Variants in MCU observed in about 807,000 individuals in gnomAD.
The protein encoded by MCU is calcium uniporter protein, mitochondrial.
A neutral mutation model predicts 45.2 loss-of-function variants in MCU; 12 were observed. The observed-to-expected ratio is 0.27, with a 90% CI of 0.17 to 0.43. MCU has a LOEUF of 0.43. Ranked by LOEUF, MCU falls within the 20% of genes least tolerant of loss-of-function variation. MCU has a pLI of 1.00. For missense variants in MCU, 324 were observed against 436.7 expected (o/e 0.74, Z 2.30); for synonymous variants, 160 against 165.1 (o/e 0.97, Z 0.24).
At chr10:72,763,442 C>T (rs745583671) in intron 1 of MCU, among the ~76,000 whole-genome samples, 1 of 151,888 alleles carries the variant, frequency 6.6e-6, no homozygotes, top group Non-Finnish European at 1.5e-5. Flanking sequence ...GAGGGAAAGG[C>T]ATTTGAGCTA....
At chr10:72,711,048 G>C (rs1009854442) in intron 1 of MCU, among the ~76,000 whole-genome samples, 4 of 151,678 alleles carry the variant, frequency 2.6e-5, no homozygotes, top group African/African-American at 9.7e-5. Context: ...GCATGGTGGT[G>C]GGCGCCTGTA....
intron 1 of MCU, among the ~76,000 whole-genome samples, chr10:72,783,792 A>G (rs571588319): frequency 3.2e-4 from 49 of 152,312 alleles, no homozygotes; most frequent in Admixed American, 2.2e-3. Context: ...TCAAATGCCT[A>G]TAGGAAGGAT....
At position 72,831,395 on chromosome 10, in the gene MCU, C is replaced by A. The variant is rs545890390; in HGVS notation, c.151-2964C>A. Among the ~76,000 whole-genome samples the A allele has an allele frequency of 5.3e-5, 8 of 152,088 alleles. 1 individual carries two copies. In the South Asian group the frequency reaches 1.7e-3, roughly 32 times the overall value. On this transcript the variant is annotated intron_variant, in intron 1 of 7. Transcript: ENST00000373053. ...AGAGGGAAAGAAAAAAGAAACATAGCTGTATTAATCATTGCTGACGATAGA... is the reference window on the plus strand; with the variant it reads ...AGAGGGAAAGAAAAAAGAAACATAGATGTATTAATCATTGCTGACGATAGA...
At chr10:72,791,549 T>A (rs993925842) in intron 1 of MCU, among the ~76,000 whole-genome samples, 1 of 152,220 alleles carries the variant, frequency 6.6e-6, no homozygotes, top group African/African-American at 2.4e-5. Context: ...ATGCCTTTTC[T>A]TTCTCTTTCT....
At chr10:72,727,555 C>G (rs1362090309) in intron 1 of MCU, among the ~76,000 whole-genome samples, 1 of 152,174 alleles carries the variant, frequency 6.6e-6, no homozygotes, top group African/African-American at 2.4e-5. Flanking sequence ...CTTCATAAAG[C>G]CTCTTTGCTT....
Position 72,693,659 on chromosome 10 carries a change from GAGA to G in MCU, c.150+1362_150+1364del, listed in dbSNP as rs566644985. Reference sequence around the variant, plus strand: ...GTATGGACCCTATCCTCATTCTTGTGAGAAGATTGTACCTCTTTTTATTTGGCA... The same window carrying G: ...GTATGGACCCTATCCTCATTCTTGTGAGATTGTACCTCTTTTTATTTGGCA... On this transcript the variant is annotated intron_variant, in intron 1 of 7. Coordinates refer to ENST00000373053, the MANE Select transcript of MCU (RefSeq NM_138357.3). 3.3e-4 allele frequency among the ~76,000 whole-genome samples: 50 copies of G among 152,324 alleles called. No homozygotes were observed. In the South Asian group the frequency reaches 9.5e-3, roughly 29 times the overall value.
intron 4 of MCU, among the ~76,000 whole-genome samples, chr10:72,862,920 A>AC (rs1329372924): frequency 6.7e-6 from 1 of 149,864 alleles, no homozygotes; most frequent in African/African-American, 2.4e-5. Context: ...AAAAAAAAGA[A>AC]AAAAAAAAAA....
At chr10:72,713,586 A>G (rs570324129) in intron 1 of MCU, among the ~76,000 whole-genome samples, 74 of 152,336 alleles carry the variant, frequency 4.9e-4, no homozygotes, top group African/African-American at 1.8e-3. Context: ...AGTAATTTTC[A>G]CAAATTATTT....
intron 1 of MCU, among the ~76,000 whole-genome samples, chr10:72,697,969 A>T (rs2132644944): frequency 6.6e-6 from 1 of 151,658 alleles, no homozygotes; most frequent in Admixed American, 6.6e-5. Context: ...TTTTGGAGAA[A>T]CAGTCTTGCT....
intron 6 of MCU, among the ~76,000 whole-genome samples, chr10:72,879,314 A>G (rs1250031742): frequency 2.6e-5 from 4 of 152,160 alleles, no homozygotes; most frequent in African/African-American, 9.7e-5. Context: ...TGGTAGTAAA[A>G]CTTCAAAAGC....
chr10:72,764,657 G>A (rs1297268379), intron 1 of MCU, among the ~76,000 whole-genome samples: 4 of 152,134 alleles, frequency 2.6e-5, no homozygotes, highest in Non-Finnish European at 5.9e-5. Context: ...TGGATTTAAA[G>A]TATTACATTC....
At chr10:72,706,304 AATATAG>A (rs1464667620) in intron 1 of MCU, among the ~76,000 whole-genome samples, 1 of 152,014 alleles carries the variant, frequency 6.6e-6, no homozygotes, top group Non-Finnish European at 1.5e-5. Flanking sequence ...GTACATTAGA[AATATAG>A]ATATATGAGA....
At chr10:72,738,846 T>C (rs560166259) in intron 1 of MCU, among the ~76,000 whole-genome samples, 26 of 152,344 alleles carry the variant, frequency 1.7e-4, no homozygotes, top group African/African-American at 5.8e-4. Context: ...TCCTGAGATG[T>C]GCCTTATGGT....
At chr10:72,756,086 A>G (rs1320149687) in intron 1 of MCU, among the ~76,000 whole-genome samples, 3 of 152,046 alleles carry the variant, frequency 2.0e-5, no homozygotes, top group African/African-American at 7.2e-5. Flanking sequence ...CCTGGTCTCA[A>G]GTGGATCCAC....
intron 6 of MCU, among the ~76,000 whole-genome samples, chr10:72,874,408 C>T (rs1016146602): frequency 3.3e-5 from 5 of 152,146 alleles, no homozygotes; most frequent in African/African-American, 9.7e-5. Flanking sequence ...CCTGAGACAT[C>T]GGAAAAGCTT....
chr10:72,802,170 G>A (rs2132783338), intron 1 of MCU, among the ~76,000 whole-genome samples: 1 of 152,264 alleles, frequency 6.6e-6, no homozygotes, highest in South Asian at 2.1e-4. Flanking sequence ...TACCTCTTCA[G>A]GAGGCACATG....
chr10:72,724,872 A>T (rs1318131166), intron 1 of MCU, among the ~76,000 whole-genome samples: 1 of 152,226 alleles, frequency 6.6e-6, no homozygotes, highest in Non-Finnish European at 1.5e-5. Flanking sequence ...AGTTCATTGC[A>T]CAAAATAAGC....
intron 1 of MCU, among the ~76,000 whole-genome samples, chr10:72,728,485 G>A (rs1284210404): frequency 6.6e-6 from 1 of 152,216 alleles, no homozygotes; most frequent in African/African-American, 2.4e-5. Flanking sequence ...TGATACTTAA[G>A]CTGAGACATA....
intron 2 of MCU, among the ~76,000 whole-genome samples, chr10:72,851,930 T>C (rs549085843): frequency 2.0e-5 from 3 of 152,180 alleles, no homozygotes; most frequent in Admixed American, 6.6e-5. Context: ...AAAGGAAATA[T>C]GGGGTTGGTT....
Sources: gnomAD v4.1 joint callset for allele counts (sites outside exome capture counted in the v4.1 genomes callset) on GRCh38, gnomAD v4.1.1 for gene constraint, MANE v1.5 for transcripts, NCBI Gene and HGNC (gene_info 2026-07-23, HGNC 2026-07-21) for gene names.